The following SLAMF7 variants were observed in gnomAD, a reference collection of about 807,000 sequenced individuals.
SLAMF7 encodes 19A24 protein.
A neutral mutation model predicts 34.1 loss-of-function variants in SLAMF7; 26 were observed. That is an observed-to-expected ratio of 0.76 (90% CI 0.56 to 1.06). The LOEUF (loss-of-function observed/expected upper bound fraction) is 1.06. SLAMF7 is among the 50% of genes least tolerant of loss of function. The pLI is 0.00. For synonymous variants in SLAMF7, 171 were observed against 156.4 expected (o/e 1.09, Z -0.70); for missense variants, 399 against 402.5 (o/e 0.99, Z 0.07).
chr1:160,750,019 C>T lies in SLAMF7; in HGVS notation c.575C>T (p.Thr192Ile), dbSNP rs536535169. The change falls in exon 3 of 7, where the codon ACC becomes ATC. Residue 192 changes from threonine (T) to isoleucine (I), a missense_variant. By Grantham distance (89) the Thr-to-Ile change is moderately conservative. Coordinates refer to ENST00000368043, the MANE Select transcript of SLAMF7 (RefSeq NM_021181.5). ...ISWRWGESDM[T>I]FICVARNPVS... ...TGGAGATGGGGAGAAAGTGATATGA[C>T]CTTCATCTGCGTTGCCAGGAACCCT... 1 of 1,614,116 alleles carries T rather than the reference C, an allele frequency of 6.2e-7. No individual in the cohort carries two copies. Among genetic ancestry groups the T allele is most frequent in the East Asian group, 2.2e-5 (1 of 44,888 alleles).
chr1:160,741,431 G>A (rs77222019), intron 1 of SLAMF7, among the ~76,000 whole-genome samples: 2,907 of 152,208 alleles, frequency 0.019, 84 homozygotes, highest in African/African-American at 0.067. Context: ...GTGGTGAAGC[G>A]GGAAACTTTC....
chr1:160,745,362 G>T (rs1265825686), intron 1 of SLAMF7, among the ~76,000 whole-genome samples: 2 of 152,176 alleles, frequency 1.3e-5, no homozygotes, highest in Non-Finnish European at 2.9e-5. Flanking sequence ...GAAGGGGAGT[G>T]AGGGAGAAGG....
intron 2 of SLAMF7, among the ~76,000 whole-genome samples, chr1:160,749,370 G>C (rs1329665328): frequency 1.3e-5 from 2 of 152,190 alleles, no homozygotes; most frequent in African/African-American, 4.8e-5. Context: ...CTGAGGCAGG[G>C]GAGTGAGCAC....
At position 160,753,912 on chromosome 1, in the gene SLAMF7, G is replaced by A. The variant is rs1664826358; in HGVS notation, c.*735G>A. Reference sequence around the variant, plus strand: ...TGGCAGATACTATAATGGAGACACAGAAGTGTGCATGGCCCAAGGACAAGG... The same window carrying A: ...TGGCAGATACTATAATGGAGACACAAAAGTGTGCATGGCCCAAGGACAAGG... On this transcript the variant is annotated 3_prime_UTR_variant, in exon 7 of 7. Coordinates refer to ENST00000368043, the MANE Select transcript of SLAMF7 (RefSeq NM_021181.5). 2 of 152,424 alleles carry A rather than the reference G, an allele frequency of 1.3e-5. No individual in the cohort carries two copies. The highest frequency in any genetic ancestry group is 2.1e-4 in the South Asian group (1 of 4,826). 9.4% of individuals were successfully genotyped at this position (152,424 alleles called of 1,614,324 possible).
intron 1 of SLAMF7, among the ~76,000 whole-genome samples, chr1:160,744,934 A>G (rs3766373): frequency 0.23 from 35,754 of 152,164 alleles, 4,618 homozygotes; most frequent in Non-Finnish European, 0.31. Flanking sequence ...CAAAGAGAGC[A>G]GTCGAAAAAC....
chr1:160,749,793 C>A, intron 2 of SLAMF7, 28 bp from the exon 3 acceptor site: 1 of 1,539,580 alleles, frequency 6.5e-7, no homozygotes, highest in East Asian at 2.3e-5. Flanking sequence ...GGCAGAGTTT[C>A]CACCTCTGGT....
chr1:160,746,565 C>T (rs1331986492), intron 1 of SLAMF7, among the ~76,000 whole-genome samples: 4 of 152,180 alleles, frequency 2.6e-5, no homozygotes, highest in Admixed American at 6.5e-5. Flanking sequence ...GATGTGAGAC[C>T]TCAGTTCTTG....
intron 5 of SLAMF7, 96 bp downstream of exon 5, chr1:160,751,544 G>A (rs532457385): frequency 1.1e-6 from 1 of 940,670 alleles, no homozygotes; most frequent in Non-Finnish European, 1.7e-6. Flanking sequence ...GGAATGAAGA[G>A]GGGAGTGAGG....
chr1:160,748,212 C>T lies in SLAMF7; in HGVS notation c.74C>T (p.Pro25Leu), dbSNP rs754224812. Reference protein sequence around the residue: ...WQLTGSAASGPVKELVGSVGG... With the variant: ...WQLTGSAASGLVKELVGSVGG... ...TTTATAGGGTCAGCAGCCTCTGGAC[C>T]CGTGAAAGAGCTGGTCGGTTCCGTT... The change falls in exon 2 of 7, where the codon CCC becomes CTC. Residue 25 changes from proline to leucine, a missense_variant. By Grantham distance (98) the Pro-to-Leu change is moderately conservative. Transcript: ENST00000368043. 2 of 1,613,812 alleles carry T rather than the reference C, an allele frequency of 1.2e-6. No individual in the cohort carries two copies. The highest frequency in any genetic ancestry group is 1.7e-5 in the Admixed American group (1 of 59,980).
Position 160,752,257 on chromosome 1 carries a change from C to T in SLAMF7, c.936+9C>T, listed in dbSNP as rs746652237. 1.2e-6 allele frequency: 2 copies of T among 1,608,936 alleles called. No homozygotes were observed. Among genetic ancestry groups the T allele is most frequent in the South Asian group, 1.1e-5 (1 of 90,822 alleles). Reference sequence around the variant, plus strand: ...TGGAAATACCGAAAAAGGTAAGAAGCTTTAGAGCTTAACTTCATCTTAATG... The same window carrying T: ...TGGAAATACCGAAAAAGGTAAGAAGTTTTAGAGCTTAACTTCATCTTAATG... On this transcript the variant is annotated intron_variant, in intron 6 of 6. Coordinates refer to ENST00000368043, the MANE Select transcript of SLAMF7 (RefSeq NM_021181.5).
At chr1:160,750,269 T>C in intron 3 of SLAMF7, 35 bp from the exon 4 acceptor site, 1 of 1,608,360 alleles carries the variant, frequency 6.2e-7, no homozygotes, top group East Asian at 2.2e-5. Flanking sequence ...AGCTGACTTT[T>C]CTCCCTTCCC....
Position 160,754,786 on chromosome 1 carries a change from T to C in SLAMF7, c.*1609T>C, listed in dbSNP as rs147477680. ...AGTAAAAAAGTCTTCTTTACTATCT[T>C]AATAAAACAGATATTGTGAGATTCA... is the stretch of plus-strand genomic sequence containing the variant. On this transcript the variant is annotated 3_prime_UTR_variant, in exon 7 of 7. Coordinates refer to ENST00000368043, the MANE Select transcript of SLAMF7 (RefSeq NM_021181.5). 2 of 152,476 alleles carry C rather than the reference T, an allele frequency of 1.3e-5. No individual in the cohort carries two copies. Among genetic ancestry groups the C allele is most frequent in the East Asian group, 3.7e-4 (2 of 5,334 alleles). The allele number at this position is 152,476 out of a possible 1,614,324, so 9.4% of individuals were successfully genotyped here.
chr1:160,752,249 G>C lies in SLAMF7; in HGVS notation c.936+1G>C. 1 of 1,611,536 alleles carries C rather than the reference G, an allele frequency of 6.2e-7. No homozygotes were observed. Among genetic ancestry groups the C allele is most frequent in the Non-Finnish European group, 8.5e-7 (1 of 1,177,882 alleles). ...CTCCACTGTGGAAATACCGAAAAAG[G>C]TAAGAAGCTTTAGAGCTTAACTTCA... is the stretch of plus-strand genomic sequence containing the variant. On this transcript the variant is annotated splice_donor_variant, in intron 6 of 6. Transcript: ENST00000368043. LOFTEE classifies it high-confidence loss of function.
At chr1:160,740,131 A>T (rs539548771) in intron 1 of SLAMF7, among the ~76,000 whole-genome samples, 174 of 152,164 alleles carry the variant, frequency 1.1e-3, no homozygotes, top group African/African-American at 4.0e-3. Context: ...TCTGCCCAAG[A>T]CCACGCAGGC....
intron 1 of SLAMF7, among the ~76,000 whole-genome samples, chr1:160,746,060 A>C (rs1664103155): frequency 6.6e-6 from 1 of 152,218 alleles, no homozygotes; most frequent in African/African-American, 2.4e-5. Flanking sequence ...ATTGTGTCTA[A>C]GAGAGCAGGC....
chr1:160,742,647 T>C (rs1305715079), intron 1 of SLAMF7, among the ~76,000 whole-genome samples: 1 of 152,240 alleles, frequency 6.6e-6, no homozygotes, highest in Non-Finnish European at 1.5e-5. Flanking sequence ...TTGTTATTTA[T>C]TTCTCGTATG....
chr1:160,753,150 G>A lies in SLAMF7; in HGVS notation c.981G>A (p.Arg327=). 6.2e-7 allele frequency: 1 copy of A among 1,613,184 alleles called. No homozygotes were observed. The highest frequency in any genetic ancestry group is 8.5e-7 in the Non-Finnish European group (1 of 1,179,932). ...TGCTCACGATGCCAGACACACCAAGGCTATTTGCCTATGAGAATGTTATCT... is the reference window on the plus strand; with the variant it reads ...TGCTCACGATGCCAGACACACCAAGACTATTTGCCTATGAGAATGTTATCT... ...HSLLTMPDTP[R]LFAYENVI is the part of the protein sequence containing the mutation. The change falls in exon 7 of 7, where the codon AGG becomes AGA. Residue 327 remains arginine (R), a synonymous_variant. Coordinates refer to ENST00000368043, the MANE Select transcript of SLAMF7 (RefSeq NM_021181.5).
At chr1:160,748,628 G>A (rs1571120770) in intron 2 of SLAMF7, 114 bp downstream of exon 2, 2 of 947,346 alleles carry the variant, frequency 2.1e-6, no homozygotes, top group South Asian at 1.7e-5. Context: ...ATGTGGGAGA[G>A]GGGACTTCTG....
chr1:160,754,812 C>T lies in SLAMF7; in HGVS notation c.*1635C>T, dbSNP rs1273709324. ...AATAAAACAGATATTGTGAGATTCACATACAAAAAGATGCATTATTTTGCT... is the reference window on the plus strand; with the variant it reads ...AATAAAACAGATATTGTGAGATTCATATACAAAAAGATGCATTATTTTGCT... On this transcript the variant is annotated 3_prime_UTR_variant, in exon 7 of 7. Coordinates refer to ENST00000368043, the MANE Select transcript of SLAMF7 (RefSeq NM_021181.5). The T allele has an allele frequency of 6.6e-6, 1 of 152,362 alleles. No homozygotes were observed. The highest frequency in any genetic ancestry group is 1.5e-5 in the Non-Finnish European group (1 of 68,048). The allele number at this position is 152,362 out of a possible 1,614,324, so 9.4% of individuals were successfully genotyped here. A position where few individuals can be genotyped will look rare whatever the true frequency, so the allele number is the denominator to read the frequency against.
Sources: gnomAD v4.1 joint callset for allele counts (sites outside exome capture counted in the v4.1 genomes callset) on GRCh38, gnomAD v4.1.1 for gene constraint, MANE v1.5 for transcripts, NCBI Gene and HGNC (gene_info 2026-07-23, HGNC 2026-07-21) for gene names.